Variants in EVC2 observed in about 807,000 individuals in gnomAD.
The protein encoded by EVC2 is limbin.
In EVC2, 148 loss-of-function variants were observed where a neutral mutation model predicts 149.3. The ratio of observed to expected loss-of-function variants is 0.99; its 90% confidence interval spans 0.87 to 1.14. The LOEUF is 1.14. EVC2 is among the 50% of genes most tolerant of loss of function. The pLI, the probability that EVC2 is intolerant of heterozygous loss-of-function variation, is 0.00. For missense variants in EVC2, 1,854 were observed against 1,627.3 expected, an observed-to-expected ratio of 1.14 and a Z score of -2.40; for synonymous variants, 776 against 649.9, an observed-to-expected ratio of 1.19 and a Z score of -2.95.
At chr4:5,592,830 G>C in intron 16 of EVC2, among the ~76,000 whole-genome samples, 1 of 152,256 alleles carries the variant, frequency 6.6e-6, no homozygotes, top group East Asian at 1.9e-4. Flanking sequence ...TGAACAGCCC[G>C]CCCCAAGGGA....
In EVC2 at chr4:5,664,315, C is replaced by CA. The variant is rs560870701; in HGVS notation, c.1006-1070dup. 3.8e-4 allele frequency among the ~76,000 whole-genome samples: 58 copies of CA among 152,060 alleles called. No homozygotes were observed. In the East Asian group the frequency reaches 8.3e-3, roughly 22 times the overall value. On this transcript the variant is annotated intron_variant, in intron 8 of 21. Transcript: ENST00000344408. The stretch of plus-strand genomic sequence containing the variant: ...AGACCACTGACCACCACTATGCTGG[C>CA]AAAAAAATAAAGAAAAATGTGAGAA...
rs141287105 is a variant in EVC2, at chr4:5,640,620, G to C, written c.1364C>G (p.Thr455Arg). 9,229 of 1,614,032 alleles carry C rather than the reference G, an allele frequency of 5.7e-3. 29 individuals carry two copies. Among genetic ancestry groups the C allele is most frequent in the Non-Finnish European group, 7.1e-3 (8,419 of 1,180,032 alleles). The change falls in exon 10 of 22, where the codon ACA (threonine) becomes AGA (arginine). Residue 455 changes from threonine to arginine, a missense_variant. Thr to Arg is a moderately conservative substitution (Grantham distance 71, BLOSUM62 -1). Coordinates refer to ENST00000344408, the MANE Select transcript of EVC2 (RefSeq NM_147127.5). This position sits in a 1 kb window ranked among gnomAD's most constrained non-coding sequence, Gnocchi z 4.6. ...EEYDRKMVALTAECDLETRKK... is the reference protein window; with the variant it reads ...EEYDRKMVALRAECDLETRKK... ...TCTTGTTTCCAGGTCACATTCAGCT[G>C]TCAATGCCACCATCTTCCGATCGTA... is the stretch of plus-strand genomic sequence containing the variant.
At chr4:5,536,560 A>G in the EVC2 span, among the ~76,000 whole-genome samples, 876 of 152,264 alleles carry the variant, frequency 5.8e-3, 7 homozygotes, top group African/African-American at 0.019. Flanking sequence ...CAAGGCGGGC[A>G]GATCACGAGG....
At chr4:5,676,826 G>A (rs1471642341) in intron 7 of EVC2, among the ~76,000 whole-genome samples, 2 of 151,636 alleles carry the variant, frequency 1.3e-5, no homozygotes, top group East Asian at 1.9e-4. Flanking sequence ...CAAATTCAGT[G>A]AGCGCTGTGC....
intron 5 of EVC2, 22 bp downstream of exon 5, chr4:5,689,135 C>A: frequency 6.2e-7 from 1 of 1,613,586 alleles, no homozygotes; most frequent in Non-Finnish European, 8.5e-7. Flanking sequence ...TCATCCCTGA[C>A]TTCAGAACGC....
chr4:5,634,481 G>C (rs1480949179), intron 10 of EVC2, among the ~76,000 whole-genome samples: 1 of 152,090 alleles, frequency 6.6e-6, no homozygotes, highest in Non-Finnish European at 1.5e-5. Flanking sequence ...TGAAATACGG[G>C]GTAATTTCCA....
At chr4:5,673,992 A>T (rs1719835170) in intron 7 of EVC2, among the ~76,000 whole-genome samples, 1 of 125,746 alleles carries the variant, frequency 8.0e-6, no homozygotes, top group Non-Finnish European at 1.7e-5. Context: ...CACCCACCCA[A>T]CCCTTCGAAA....
chr4:5,614,847 G>T lies in EVC2; in HGVS notation c.2829+575C>A, dbSNP rs1032008603. On this transcript the variant is annotated intron_variant, in intron 16 of 21. Transcript: ENST00000344408. The surrounding 1 kb of genome is among the most constrained non-coding windows in gnomAD (Gnocchi z 4.7). ...ACAAAAATTAGCAGGTGTGATGGTG[G>T]GTGCCTGTAATCCCAGCTACTCGGA... Among the ~76,000 whole-genome samples the T allele has an allele frequency of 6.6e-6, 1 of 152,006 alleles. No individual in the cohort carries two copies. Among genetic ancestry groups the T allele is most frequent in the African/African-American group, 2.4e-5 (1 of 41,400 alleles).
intron 16 of EVC2, 32 bp downstream of exon 16, chr4:5,615,390 G>A: frequency 6.2e-7 from 1 of 1,614,014 alleles, no homozygotes; most frequent in Non-Finnish European, 8.5e-7. Context: ...CATGTGCAGA[G>A]AGAAACAGCT....
intron 9 of EVC2, among the ~76,000 whole-genome samples, chr4:5,648,459 C>T (rs184529788): frequency 6.6e-6 from 1 of 152,232 alleles, no homozygotes; most frequent in African/African-American, 2.4e-5. Context: ...GTACCAGGTG[C>T]TTTACCGGTG....
intron 9 of EVC2, among the ~76,000 whole-genome samples, chr4:5,662,487 ATAT>A (rs1718949438): frequency 9.4e-6 from 1 of 106,716 alleles, no homozygotes; most frequent in South Asian, 2.7e-4. Context: ...ATTAAATATA[ATAT>A]TAATATTAAA....
Position 5,689,223 on chromosome 4 carries a change from T to C in EVC2, c.640A>G (p.Ile214Val), listed in dbSNP as rs1345907539. ...GTCCTGTTTCCCACAGAGTCCCAAA[T>C]GGTGAGACCAGCAATGCTGTCCAGC... ...LLLDSIAGLTIWDSVGNRTSE... is the reference protein window; with the variant it reads ...LLLDSIAGLTVWDSVGNRTSE... The change falls in exon 5 of 22, where the codon ATT becomes GTT. Residue 214 changes from isoleucine (I) to valine (V), a missense_variant. Coordinates refer to ENST00000344408, the MANE Select transcript of EVC2 (RefSeq NM_147127.5). 1 of 1,614,204 alleles carries C rather than the reference T, an allele frequency of 6.2e-7. No individual in the cohort carries two copies. The highest frequency in any genetic ancestry group is 2.2e-5 in the East Asian group (1 of 44,880).
rs1720088837 is a variant in EVC2, at chr4:5,677,764, A to G, written c.870+3496T>C. Among the ~76,000 whole-genome samples, 1 of 152,188 alleles carries G rather than the reference A, an allele frequency of 6.6e-6. No individual in the cohort carries two copies. The highest frequency in any genetic ancestry group is 1.5e-5 in the Non-Finnish European group (1 of 68,044). ...TATTTACCTGTTGAGTGCCACCTAC[A>G]ATGTACCGCACAGTGGGGGACACAG... On this transcript the variant is annotated intron_variant, in intron 7 of 21. Coordinates refer to ENST00000344408, the MANE Select transcript of EVC2 (RefSeq NM_147127.5). This position sits in a 1 kb window ranked among gnomAD's most constrained non-coding sequence, Gnocchi z 4.3.
At chr4:5,542,373 T>C (rs1277325382), downstream of EVC2, among the ~76,000 whole-genome samples, 2 of 152,204 alleles carry the variant, frequency 1.3e-5, no homozygotes, top group Non-Finnish European at 2.9e-5. Flanking sequence ...GAGGACCACT[T>C]GAGCCTGGGA....
downstream of EVC2, among the ~76,000 whole-genome samples, chr4:5,542,365 G>A (rs562640602): frequency 5.9e-5 from 9 of 152,234 alleles, no homozygotes; most frequent in Non-Finnish European, 1.3e-4. Context: ...AGAGGTGGGA[G>A]GACCACTTGA....
At chr4:5,628,871 C>G (rs1038468649) in intron 11 of EVC2, 137 bp from the exon 12 acceptor site, 2 of 878,768 alleles carry the variant, frequency 2.3e-6, no homozygotes, top group Non-Finnish European at 3.4e-6. Context: ...ACACCTTTAA[C>G]CTCCCTGCCT....
rs2151728052 is a variant in EVC2, at chr4:5,685,397, G to A, written c.789C>T (p.Ala263=). 6.2e-7 allele frequency: 1 copy of A among 1,614,230 alleles called. No individual in the cohort carries two copies. The highest frequency in any genetic ancestry group is 8.5e-7 in the Non-Finnish European group (1 of 1,180,040). Residue 263 remains alanine (A), a synonymous_variant, in exon 6 of 22, where the codon GCC becomes GCT. Transcript: ENST00000344408. ...GTGACGAGCTCTGAAAGGTGAGTTG[G>A]GCAGGAAGCTTGAGGCTCTCCCCGT... ...LGNGESLKLP[A]QLTFQSSSRN...
chr4:5,550,332 G>A (rs1264171500), intron 21 of EVC2, among the ~76,000 whole-genome samples: 3 of 152,184 alleles, frequency 2.0e-5, no homozygotes, highest in East Asian at 1.9e-4. Context: ...TGAAATCCAG[G>A]CTGAGGTGGT....
At chr4:5,616,651 TG>T (rs1468217931) in intron 15 of EVC2, among the ~76,000 whole-genome samples, 7 of 152,304 alleles carry the variant, frequency 4.6e-5, no homozygotes, top group African/African-American at 1.7e-4. Flanking sequence ...CCCCAGGCCT[TG>T]GTGCTTAGGA....
Sources: gnomAD v4.1 joint callset for allele counts (sites outside exome capture counted in the v4.1 genomes callset) on GRCh38, gnomAD v4.1.1 for gene constraint, Gnocchi (gnomAD v3.1) non-coding constraint, MANE v1.5 for transcripts, NCBI Gene and HGNC (gene_info 2026-07-23, HGNC 2026-07-21) for gene names.